GRID2: variants seen among roughly 807,000 people sequenced by gnomAD.
GRID2 encodes glutamate receptor ionotropic, delta-2.
GRID2 carries 33 observed loss-of-function variants against 114.8 expected under a neutral mutation model. The observed-to-expected ratio is 0.29, with a 90% confidence interval of 0.22 to 0.38. The LOEUF is 0.38. Ranked by LOEUF, GRID2 falls within the 10% of genes least tolerant of loss-of-function variation. The pLI, the probability that GRID2 is intolerant of heterozygous loss-of-function variation, is 1.00. For missense variants in GRID2, 1,184 were observed against 1,257.7 expected (o/e 0.94, Z 0.89); for synonymous variants, 505 against 449.9 (o/e 1.12, Z -1.55).
At chr4:93,569,311 A>G (rs1735719989) in intron 13 of GRID2, among the ~76,000 whole-genome samples, 1 of 152,148 alleles carries the variant, frequency 6.6e-6, no homozygotes, top group Non-Finnish European at 1.5e-5. Context: ...TATATAAAAC[A>G]TTATCTTAGT....
At chr4:93,417,611 C>T (rs764548633) in intron 9 of GRID2, among the ~76,000 whole-genome samples, 8 of 151,920 alleles carry the variant, frequency 5.3e-5, no homozygotes, top group Non-Finnish European at 8.8e-5. Context: ...ATAATCACTT[C>T]CTCTATTTTC....
intron 1 of GRID2, among the ~76,000 whole-genome samples, chr4:92,504,414 G>C (rs1174547639): frequency 6.6e-6 from 1 of 151,932 alleles, no homozygotes; most frequent in African/African-American, 2.4e-5. Context: ...GTGATAAGGA[G>C]ACAGCTGTAG....
intron 14 of GRID2, among the ~76,000 whole-genome samples, chr4:93,721,593 A>G (rs955099521): frequency 2.6e-5 from 4 of 152,188 alleles, no homozygotes; most frequent in Non-Finnish European, 4.4e-5. Flanking sequence ...TCAAATTGTT[A>G]TAATAATGGT....
At chr4:92,342,330 A>G (rs1371714919) in intron 1 of GRID2, among the ~76,000 whole-genome samples, 1 of 152,190 alleles carries the variant, frequency 6.6e-6, no homozygotes, top group African/African-American at 2.4e-5. Context: ...AATAATTAAA[A>G]GTCCCAAGAG....
chr4:93,695,330 G>T (rs1049915958), intron 14 of GRID2, among the ~76,000 whole-genome samples: 1 of 152,112 alleles, frequency 6.6e-6, no homozygotes, highest in African/African-American at 2.4e-5. Context: ...GTAGGACTGG[G>T]CTATAATGGC....
intron 2 of GRID2, among the ~76,000 whole-genome samples, chr4:92,883,544 TG>T (rs1257279805): frequency 1.3e-5 from 2 of 152,198 alleles, no homozygotes; most frequent in Non-Finnish European, 2.9e-5. Flanking sequence ...TCACTGTCTA[TG>T]GTAGCTAGAG....
rs560890560 is a variant in GRID2, at chr4:93,408,845, ATCTTT to A, written c.1347+13144_1347+13148del. On this transcript the variant is annotated intron_variant, in intron 9 of 15. Coordinates refer to ENST00000282020, the MANE Select transcript of GRID2 (RefSeq NM_001510.4). ...TAGGTCTCTGCCCTCTATGCAGGAGATCTTTTCTTTTAAGTTTCCCACCGTGCTTC... is the reference window on the plus strand; with the variant it reads ...TAGGTCTCTGCCCTCTATGCAGGAGATCTTTTAAGTTTCCCACCGTGCTTC... Among the ~76,000 whole-genome samples the A allele has an allele frequency of 1.8e-4, 27 of 152,160 alleles. 1 individual carries two copies. In the South Asian group the frequency reaches 3.7e-3, roughly 21 times the overall value.
chr4:92,968,609 C>A (rs1753303949), intron 2 of GRID2, among the ~76,000 whole-genome samples: 1 of 151,838 alleles, frequency 6.6e-6, no homozygotes, highest in Admixed American at 6.6e-5. Flanking sequence ...ATTTAGAAAA[C>A]TTAAAAAATA....
intron 2 of GRID2, among the ~76,000 whole-genome samples, chr4:93,053,066 T>A (rs1726876911): frequency 1.3e-5 from 2 of 151,848 alleles, no homozygotes; most frequent in Admixed American, 6.6e-5. Context: ...CTACCAAATT[T>A]TTATAGGTAG....
At chr4:92,667,613 T>G (rs1435832726) in intron 2 of GRID2, among the ~76,000 whole-genome samples, 1 of 151,620 alleles carries the variant, frequency 6.6e-6, no homozygotes, top group Non-Finnish European at 1.5e-5. Context: ...TCTTACTTAT[T>G]TTTGCCTAGA....
chr4:92,537,576 T>C (rs1725706349), intron 1 of GRID2, among the ~76,000 whole-genome samples: 1 of 152,198 alleles, frequency 6.6e-6, no homozygotes, highest in Non-Finnish European at 1.5e-5. Flanking sequence ...TTTTCTTATA[T>C]TTCTTCCTGC....
At chr4:93,512,375 A>G (rs1326967470) in intron 12 of GRID2, among the ~76,000 whole-genome samples, 2 of 152,162 alleles carry the variant, frequency 1.3e-5, no homozygotes, top group African/African-American at 2.4e-5. Context: ...AACTCTTCTT[A>G]GTATGAAAAA....
chr4:93,774,854 T>G (rs1415327914), downstream of GRID2, among the ~76,000 whole-genome samples: 1 of 152,078 alleles, frequency 6.6e-6, no homozygotes, highest in Non-Finnish European at 1.5e-5. Flanking sequence ...TCCTGTTTCA[T>G]GTAAGCAATG....
chr4:93,261,539 G>T (rs778014962), intron 8 of GRID2, among the ~76,000 whole-genome samples: 46 of 151,920 alleles, frequency 3.0e-4, no homozygotes, highest in Non-Finnish European at 5.9e-4. Flanking sequence ...AAAATTTCAA[G>T]TGGAATGACC....
intron 2 of GRID2, among the ~76,000 whole-genome samples, chr4:93,038,562 G>T (rs1278589080): frequency 6.6e-6 from 1 of 152,052 alleles, no homozygotes; most frequent in African/African-American, 2.4e-5. Context: ...AGGCCGAGGC[G>T]GGTGGATCAT....
chr4:93,600,004 GA>G lies in GRID2; in HGVS notation c.2194-26260del, dbSNP rs552871924. On this transcript the variant is annotated intron_variant, in intron 13 of 15. Coordinates refer to ENST00000282020, the MANE Select transcript of GRID2 (RefSeq NM_001510.4). Reference sequence around the variant, plus strand: ...TATGCACAGGGGAGAAACCATGCTGGAAAAAGCAACGGCTAGAAGGCCCAAG... The same window carrying G: ...TATGCACAGGGGAGAAACCATGCTGGAAAAGCAACGGCTAGAAGGCCCAAG... 3.1e-3 allele frequency among the ~76,000 whole-genome samples: 471 copies of G among 152,270 alleles called. 4 individuals are homozygous for G. Among genetic ancestry groups the G allele is most frequent in the African/African-American group, 0.01 (426 of 41,562 alleles).
chr4:92,822,229 C>A (rs1026856960), intron 2 of GRID2: 42 of 526,546 alleles, frequency 8.0e-5, no homozygotes, highest in African/African-American at 7.9e-4. Context: ...ATGATATTCC[C>A]ACCACATAGC....
chr4:92,319,250 A>C (rs1726178305), intron 1 of GRID2, among the ~76,000 whole-genome samples: 1 of 152,174 alleles, frequency 6.6e-6, no homozygotes, highest in Admixed American at 6.5e-5. Flanking sequence ...TAATGAGTCT[A>C]ATCTACCTAA....
intron 2 of GRID2, among the ~76,000 whole-genome samples, chr4:92,834,747 A>G (rs2149402804): frequency 6.6e-6 from 1 of 152,238 alleles, no homozygotes; most frequent in South Asian, 2.1e-4. Context: ...TCTTTGTGTG[A>G]TTTCTGGACA....
Sources: gnomAD v4.1 joint callset for allele counts (sites outside exome capture counted in the v4.1 genomes callset) on GRCh38, gnomAD v4.1.1 for gene constraint, MANE v1.5 for transcripts, NCBI Gene and HGNC (gene_info 2026-07-23, HGNC 2026-07-21) for gene names.